The following RETN variants were observed in gnomAD, a reference collection of about 807,000 sequenced individuals.
RETN encodes C/EBP-epsilon regulated myeloid-specific secreted cysteine-rich protein precursor 1.
Under a neutral mutation model 6.1 loss-of-function variants are expected in RETN, and 5 were observed. The observed-to-expected ratio is 0.82, with a 90% CI of 0.43 to 1.73. The LOEUF (loss-of-function observed/expected upper bound fraction) is 1.73. RETN is among the 40% of genes most tolerant of loss of function. The pLI is 0.02. For missense variants in RETN, 168 were observed against 142.5 expected (o/e 1.18, Z -0.91); for synonymous variants, 62 against 59.2 (o/e 1.05, Z -0.22).
In RETN at chr19:7,669,457, C is replaced by G. The variant is rs762278595; in HGVS notation, c.118+13C>G. The G allele has an allele frequency of 5.8e-5, 92 of 1,588,592 alleles. No homozygotes were observed. Among genetic ancestry groups the G allele is most frequent in the East Asian group, 1.8e-4 (8 of 44,734 alleles). On this transcript the variant is annotated intron_variant, in intron 2 of 3. Transcript: ENST00000221515. Reference sequence around the variant, plus strand: ...GCCGGCTCCCTAAGTGAGGACCCCCCACTTGGGCAAGCTCCCCAAGGGTCT... The same window carrying G: ...GCCGGCTCCCTAAGTGAGGACCCCCGACTTGGGCAAGCTCCCCAAGGGTCT...
Position 7,670,217 on chromosome 19 carries a change from A to G in RETN, c.197-2A>G. On this transcript the variant is annotated splice_acceptor_variant, in intron 3 of 3. Transcript: ENST00000221515. LOFTEE classifies it high-confidence loss of function. ...TCCACGCTCCTGTGTTCCGGGCTGC[A>G]GGCTTCGCCGTCACCGGCTGCACTT... 1 of 1,577,022 alleles carries G rather than the reference A, an allele frequency of 6.3e-7. No homozygotes were observed. The highest frequency in any genetic ancestry group is 8.6e-7 in the Non-Finnish European group (1 of 1,164,006).
At chr19:7,670,107 T>TGCCCGGGGC in intron 3 of RETN, 112 bp from the exon 4 acceptor site, 1 of 651,070 alleles carries the variant, frequency 1.5e-6, no homozygotes, top group Non-Finnish European at 2.7e-6. Flanking sequence ...CCTCCAGCCG[T>TGCCCGGGGC]CCCCGTCCCC....
rs1442999302 is a variant in RETN, at chr19:7,669,365, G to A, written c.39G>A (p.Gly13=). Reference sequence around the variant, plus strand: ...GTCTCCTCCTCCTCCCTGTCCTGGGGCTGTTGGTGTCTAGCAAGACCCTGT... The same window carrying A: ...GTCTCCTCCTCCTCCCTGTCCTGGGACTGTTGGTGTCTAGCAAGACCCTGT... ...ALCLLLLPVL[G]LLVSSKTLCS... is the part of the protein sequence containing the mutation. Residue 13 remains glycine, a synonymous_variant, in exon 2 of 4, where the codon GGG becomes GGA. Coordinates refer to ENST00000221515, the MANE Select transcript of RETN (RefSeq NM_020415.4). 3 of 1,613,982 alleles carry A rather than the reference G, an allele frequency of 1.9e-6. No homozygotes were observed. Among genetic ancestry groups the A allele is most frequent in the South Asian group, 2.2e-5 (2 of 91,074 alleles).
rs1384550061 is a variant in RETN at position 7,669,321 on chromosome 19, T to G, written c.-6T>G. ...TCTCTTGGTTCCCTCTTTCAGCGCC[T>G]GCAGGATGAAAGCTCTCTGTCTCCT... On this transcript the variant is annotated 5_prime_UTR_variant, in exon 2 of 4. Coordinates refer to ENST00000221515, the MANE Select transcript of RETN (RefSeq NM_020415.4). The G allele has an allele frequency of 6.2e-7, 1 of 1,607,210 alleles. No homozygotes were observed. The highest frequency in any genetic ancestry group is 1.7e-5 in the Admixed American group (1 of 60,016).
chr19:7,669,608 G>C (rs1433167652), intron 2 of RETN, among the ~76,000 whole-genome samples, 164 bp downstream of exon 2: 2 of 151,840 alleles, frequency 1.3e-5, no homozygotes, highest in African/African-American at 2.4e-5. Flanking sequence ...CCCTCCGACT[G>C]TCCCCACCTT....
intron 3 of RETN, 74 bp from the exon 4 acceptor site, chr19:7,670,145 G>T (rs1175252271): frequency 6.7e-5 from 25 of 375,178 alleles, no homozygotes; most frequent in East Asian, 3.1e-4. Flanking sequence ...CCCCCTCCGC[G>T]CTCCCCACCC....
chr19:7,669,151 T>C, intron 1 of RETN, 30 bp downstream of exon 1: 2 of 612,724 alleles, frequency 3.3e-6, no homozygotes, highest in East Asian at 5.3e-5. Context: ...GCGCTTGCCA[T>C]GGCACCAGCG....
rs760425881 is a variant in RETN at position 7,669,258 on chromosome 19, G to A, written c.-10-59G>A. ...GCAGATCCTACTCCCTCCATGGGCC[G>A]GATCTTCCCCACAGGGCAGGGCTGA... is the stretch of plus-strand genomic sequence containing the variant. On this transcript the variant is annotated intron_variant, in intron 1 of 3. Coordinates refer to ENST00000221515, the MANE Select transcript of RETN (RefSeq NM_020415.4). 9.9e-5 allele frequency: 122 copies of A among 1,232,900 alleles called. 1 individual carries two copies. The highest frequency in any genetic ancestry group is 2.7e-4 in the Admixed American group (16 of 59,418). The allele number at this position is 1,232,900 out of a possible 1,614,324, so 76.4% of individuals were successfully genotyped here.
At chr19:7,669,774 C>G (rs777733528) in intron 2 of RETN, 47 bp from the exon 3 acceptor site, 1 of 1,546,038 alleles carries the variant, frequency 6.5e-7, no homozygotes, top group Non-Finnish European at 8.9e-7. Context: ...GGGGAGGGAC[C>G]GTTTGGTCTC....
intron 2 of RETN, 89 bp downstream of exon 2, chr19:7,669,533 C>A (rs1409957884): frequency 1.1e-6 from 1 of 951,776 alleles, no homozygotes; most frequent in Non-Finnish European, 1.7e-6. Flanking sequence ...CCAGCCCCAG[C>A]GCTCACCAAA....
Position 7,669,394 on chromosome 19 carries a change from C to T in RETN, c.68C>T (p.Ser23Phe). The change falls in exon 2 of 4, where the codon TCC becomes TTC. Residue 23 changes from serine to phenylalanine, a missense_variant. Ser to Phe is a radical substitution (Grantham distance 155, BLOSUM62 -2). Transcript: ENST00000221515. ...TTGGTGTCTAGCAAGACCCTGTGCTCCATGGAAGAAGCCATCAATGAGAGG... is the reference window on the plus strand; with the variant it reads ...TTGGTGTCTAGCAAGACCCTGTGCTTCATGGAAGAAGCCATCAATGAGAGG... The part of the protein sequence containing the change: ...GLLVSSKTLC[S>F]MEEAINERIQ... 6.2e-7 allele frequency: 1 copy of T among 1,614,016 alleles called. No individual in the cohort carries two copies. Among genetic ancestry groups the T allele is most frequent in the Non-Finnish European group, 8.5e-7 (1 of 1,179,980 alleles).
At position 7,669,050 on chromosome 19, in the gene RETN, A is replaced by C; in HGVS notation, c.-82A>C. On this transcript the variant is annotated 5_prime_UTR_variant, in exon 1 of 4. Coordinates refer to ENST00000221515, the MANE Select transcript of RETN (RefSeq NM_020415.4). ...AGCCAAGCCAGGAAGCCCCACCCCA[A>C]GAGGCCTCAAAGAAAGAGCTGCGGT... 2.0e-5 allele frequency: 8 copies of C among 407,264 alleles called. No individual in the cohort carries two copies. Among genetic ancestry groups the C allele is most frequent in the Non-Finnish European group, 2.3e-5 (5 of 219,154 alleles). 25.2% of individuals were successfully genotyped at this position (407,264 alleles called of 1,614,324 possible). A position where few individuals can be genotyped will look rare whatever the true frequency, so the allele number is the denominator to read the frequency against.
In RETN at chr19:7,669,406, C is replaced by A; in HGVS notation, c.80C>A (p.Ala27Asp). The change falls in exon 2 of 4, where the codon GCC becomes GAC. Residue 27 changes from alanine to aspartate, a missense_variant. Transcript: ENST00000221515. ...SSKTLCSMEE[A>D]INERIQEVAG... ...AAGACCCTGTGCTCCATGGAAGAAG[C>A]CATCAATGAGAGGATCCAGGAGGTC... 17 of 1,613,950 alleles carry A rather than the reference C, an allele frequency of 1.1e-5. No homozygotes were observed. Among genetic ancestry groups the A allele is most frequent in the Non-Finnish European group, 1.4e-5 (17 of 1,179,928 alleles).
In RETN at chr19:7,669,457, C is replaced by A. The variant is rs762278595; in HGVS notation, c.118+13C>A. 7.0e-5 allele frequency: 111 copies of A among 1,588,710 alleles called. 1 individual carries two copies. In the East Asian group the frequency reaches 1.3e-3, roughly 19 times the overall value. On this transcript the variant is annotated intron_variant, in intron 2 of 3. Transcript: ENST00000221515. The stretch of plus-strand genomic sequence containing the variant: ...GCCGGCTCCCTAAGTGAGGACCCCC[C>A]ACTTGGGCAAGCTCCCCAAGGGTCT...
intron 3 of RETN, 98 bp from the exon 4 acceptor site, chr19:7,670,121 C>A (rs2032472708): frequency 1.8e-6 from 1 of 546,702 alleles, no homozygotes; most frequent in African/African-American, 2.0e-5. Flanking sequence ...CGTCCCCACC[C>A]CCGCCCCCCC....
rs773214448 is a variant in RETN at position 7,669,399 on chromosome 19, G to C, written c.73G>C (p.Glu25Gln). The C allele has an allele frequency of 1.2e-6, 2 of 1,614,000 alleles. No individual in the cohort carries two copies. The highest frequency in any genetic ancestry group is 1.7e-6 in the Non-Finnish European group (2 of 1,179,966). Residue 25 changes from glutamate to glutamine, a missense_variant, in exon 2 of 4, where the codon GAA (glutamate) becomes CAA (glutamine). Coordinates refer to ENST00000221515, the MANE Select transcript of RETN (RefSeq NM_020415.4). ...GTCTAGCAAGACCCTGTGCTCCATG[G>C]AAGAAGCCATCAATGAGAGGATCCA... ...LVSSKTLCSMEEAINERIQEV... is the reference protein window; with the variant it reads ...LVSSKTLCSMQEAINERIQEV...
chr19:7,669,553 C>T, intron 2 of RETN, 109 bp downstream of exon 2: 2 of 839,790 alleles, frequency 2.4e-6, no homozygotes, highest in South Asian at 2.7e-5. Context: ...ATCTCATCCT[C>T]AAATCCAACC....
rs993893519 is a variant in RETN, at chr19:7,669,131, A to G, written c.-11+10A>G. ...TGAGCCCACCGAGAGGGTAAGTGAC[A>G]GCTGCTCCTGCGCTTGCCATGGCAC... On this transcript the variant is annotated intron_variant, in intron 1 of 3. Coordinates refer to ENST00000221515, the MANE Select transcript of RETN (RefSeq NM_020415.4). The G allele has an allele frequency of 8.5e-5, 49 of 579,446 alleles. No homozygotes were observed. The highest frequency in any genetic ancestry group is 3.3e-4 in the Admixed American group (11 of 33,518). The allele number at this position is 579,446 out of a possible 1,614,324, so 35.9% of individuals were successfully genotyped here.
Position 7,670,358 on chromosome 19 carries a change from G to A in RETN, c.*9G>A. 1 of 1,543,992 alleles carries A rather than the reference G, an allele frequency of 6.5e-7. No individual in the cohort carries two copies. Among genetic ancestry groups the A allele is most frequent in the South Asian group, 1.2e-5 (1 of 85,392 alleles). On this transcript the variant is annotated 3_prime_UTR_variant, in exon 4 of 4. Coordinates refer to ENST00000221515, the MANE Select transcript of RETN (RefSeq NM_020415.4). Reference sequence around the variant, plus strand: ...GTCGTGTGCAGCCCTGAGGTCGCGCGCAGCGCGTGCACAGCGCGGGCGGAG... The same window carrying A: ...GTCGTGTGCAGCCCTGAGGTCGCGCACAGCGCGTGCACAGCGCGGGCGGAG...
Sources: allele counts gnomAD v4.1 joint callset (sites outside exome capture counted in the v4.1 genomes callset), GRCh38; gene constraint gnomAD v4.1.1; transcripts MANE v1.5; gene names NCBI Gene and HGNC (gene_info 2026-07-23, HGNC 2026-07-21).